WWOX: variants seen among roughly 807,000 people sequenced by gnomAD.
WWOX encodes the protein WW domain-containing oxidoreductase.
Under a neutral mutation model 46.2 loss-of-function variants are expected in WWOX, and 69 were observed. That is an observed-to-expected ratio of 1.49 (90% CI 1.23 to 1.82). The LOEUF is 1.82. Ranked by LOEUF, WWOX falls within the 40% of genes most tolerant of loss-of-function variation. The pLI, the probability that WWOX is intolerant of heterozygous loss-of-function variation, is 0.00. For missense variants in WWOX, 919 were observed against 542.6 expected (o/e 1.69, Z -6.89); for synonymous variants, 359 against 202.6 (o/e 1.77, Z -6.56).
At position 78,883,686 on chromosome 16, in the gene WWOX, T is replaced by C. The variant is rs187012847; in HGVS notation, c.1057-327922T>C. ...TTGCAGTGAGTTGAGATCATGCTAC[T>C]GTACTCCAGCCTGGGCAACAGAGCA... On this transcript the variant is annotated intron_variant, in intron 8 of 8. Transcript: ENST00000566780. 9.3e-5 allele frequency among the ~76,000 whole-genome samples: 14 copies of C among 150,978 alleles called. No homozygotes were observed. In the East Asian group the frequency reaches 2.5e-3, roughly 27 times the overall value.
At chr16:78,666,209 C>T (rs902276294) in intron 8 of WWOX, among the ~76,000 whole-genome samples, 1 of 152,042 alleles carries the variant, frequency 6.6e-6, no homozygotes, top group African/African-American at 2.4e-5. Context: ...ATTGTTGGAG[C>T]CCGGGAGGTC....
At chr16:78,825,923 G>T in intron 8 of WWOX, 2 of 746,588 alleles carry the variant, frequency 2.7e-6, no homozygotes, top group South Asian at 1.8e-5. Flanking sequence ...CAAAGATGAG[G>T]TAGTGCCCAC....
intron 8 of WWOX, among the ~76,000 whole-genome samples, chr16:79,174,495 A>G (rs561968861): frequency 3.3e-5 from 5 of 152,282 alleles, no homozygotes; most frequent in African/African-American, 1.2e-4. Context: ...CTAAAAATAC[A>G]AAAATTAGCC....
At chr16:78,416,525 G>C (rs952565480) in intron 6 of WWOX, among the ~76,000 whole-genome samples, 1 of 152,206 alleles carries the variant, frequency 6.6e-6, no homozygotes, top group African/African-American at 2.4e-5. Context: ...AGAGAGGAAA[G>C]GGTTTTCCCA....
chr16:79,030,561 C>T (rs1203382642), intron 8 of WWOX, among the ~76,000 whole-genome samples: 1 of 152,230 alleles, frequency 6.6e-6, no homozygotes, highest in Non-Finnish European at 1.5e-5. Flanking sequence ...TGTACCGACT[C>T]ATATGAGGGC....
chr16:78,306,556 A>C (rs563233613), intron 5 of WWOX, among the ~76,000 whole-genome samples: 21 of 152,214 alleles, frequency 1.4e-4, no homozygotes, highest in African/African-American at 3.1e-4. Context: ...GCTTGCTTCC[A>C]CTTGTGGCCA....
intron 8 of WWOX, among the ~76,000 whole-genome samples, chr16:78,615,908 A>G (rs1160613206): frequency 6.6e-6 from 1 of 151,608 alleles, no homozygotes; most frequent in Admixed American, 6.6e-5. Context: ...CCGCCACCAC[A>G]CTCAGCTAAT....
At position 78,729,231 on chromosome 16, in the gene WWOX, A is replaced by G. The variant is rs920302643; in HGVS notation, c.1056+296479A>G. Among the ~76,000 whole-genome samples, 16 of 151,990 alleles carry G rather than the reference A, an allele frequency of 1.1e-4. No homozygotes were observed. In the South Asian group the frequency reaches 3.1e-3, roughly 30 times the overall value. On this transcript the variant is annotated intron_variant, in intron 8 of 8. Coordinates refer to ENST00000566780, the MANE Select transcript of WWOX (RefSeq NM_016373.4). ...GTGGTGCATGCCTGTTGTCCCAGCTATTTGGGAGGCTGAGGTGGGAGGATT... is the reference window on the plus strand; with the variant it reads ...GTGGTGCATGCCTGTTGTCCCAGCTGTTTGGGAGGCTGAGGTGGGAGGATT...
At chr16:78,539,227 G>T (rs975327860) in intron 8 of WWOX, among the ~76,000 whole-genome samples, 3 of 152,238 alleles carry the variant, frequency 2.0e-5, no homozygotes, top group African/African-American at 4.8e-5. Flanking sequence ...CTGAACTATG[G>T]TGGTTAGGTT....
chr16:78,282,148 T>C (rs2079690032), intron 5 of WWOX, among the ~76,000 whole-genome samples: 1 of 152,198 alleles, frequency 6.6e-6, no homozygotes, highest in South Asian at 2.1e-4. Flanking sequence ...AGGCTGGAGA[T>C]AATTCTCTGC....
intron 8 of WWOX, among the ~76,000 whole-genome samples, chr16:78,469,789 C>G (rs1378905731): frequency 6.6e-6 from 1 of 152,122 alleles, no homozygotes; most frequent in African/African-American, 2.4e-5. Flanking sequence ...GAAGAGCTTC[C>G]TCTCAGTGCT....
chr16:78,112,299 C>G (rs946105867), intron 3 of WWOX, among the ~76,000 whole-genome samples: 2 of 152,160 alleles, frequency 1.3e-5, no homozygotes, highest in Admixed American at 1.3e-4. Flanking sequence ...CTTTGAGGCT[C>G]TCCAAAGCAT....
At chr16:78,684,649 C>G (rs576187393) in intron 8 of WWOX, among the ~76,000 whole-genome samples, 1 of 152,320 alleles carries the variant, frequency 6.6e-6, no homozygotes, top group South Asian at 2.1e-4. Context: ...TGAGAAAGGA[C>G]TCTGCCCTCA....
chr16:78,701,752 G>C (rs947631986), intron 8 of WWOX, among the ~76,000 whole-genome samples: 1 of 151,970 alleles, frequency 6.6e-6, no homozygotes, highest in East Asian at 1.9e-4. Flanking sequence ...TTGGGACCCA[G>C]TTAAGCAGTG....
chr16:78,649,054 A>T (rs943676935), intron 8 of WWOX, among the ~76,000 whole-genome samples: 4 of 151,934 alleles, frequency 2.6e-5, no homozygotes, highest in Admixed American at 2.0e-4. Flanking sequence ...GCTCACTGCA[A>T]ACTCCACCTC....
At chr16:78,572,581 C>CAA (rs2151575381) in intron 8 of WWOX, among the ~76,000 whole-genome samples, 1 of 111,330 alleles carries the variant, frequency 9.0e-6, no homozygotes, top group East Asian at 2.7e-4. Flanking sequence ...CCAGCCTGGG[C>CAA]TACAGAGTAA....
At chr16:79,084,935 G>T (rs2048826654) in intron 8 of WWOX, among the ~76,000 whole-genome samples, 1 of 151,956 alleles carries the variant, frequency 6.6e-6, no homozygotes, top group South Asian at 2.1e-4. Flanking sequence ...ATATAATTTT[G>T]CAATCAAAAT....
At chr16:78,846,031 G>A (rs186491199) in intron 8 of WWOX, among the ~76,000 whole-genome samples, 10 of 152,220 alleles carry the variant, frequency 6.6e-5, no homozygotes, top group Non-Finnish European at 1.3e-4. Context: ...GCACTGCACA[G>A]GATGGAAAGC....
At chr16:79,043,837 A>G (rs970209006) in intron 8 of WWOX, among the ~76,000 whole-genome samples, 2 of 152,146 alleles carry the variant, frequency 1.3e-5, no homozygotes, top group Non-Finnish European at 2.9e-5. Context: ...CTTAGATGGG[A>G]TGTAGAGAGC....
Sources: allele counts gnomAD v4.1 joint callset (sites outside exome capture counted in the v4.1 genomes callset), GRCh38; gene constraint gnomAD v4.1.1; transcripts MANE v1.5; gene names NCBI Gene and HGNC (gene_info 2026-07-23, HGNC 2026-07-21).